The following GSK3A variants were observed in gnomAD, a reference collection of about 807,000 sequenced individuals.
GSK3A encodes glycogen synthase kinase 3 alpha.
Under a neutral mutation model 56.6 loss-of-function variants are expected in GSK3A, and 14 were observed. The ratio of observed to expected loss-of-function variants is 0.25; its 90% CI spans 0.16 to 0.39. The LOEUF (loss-of-function observed/expected upper bound fraction) is 0.39, where lower values mean the gene tolerates loss of function less well. Among genes scored for constraint, GSK3A ranks in the 10% least tolerant of loss-of-function variants. The pLI, the probability that GSK3A is intolerant of heterozygous loss-of-function variation, is 1.00. For synonymous variants in GSK3A, 301 were observed against 285.0 expected (o/e 1.06, Z -0.56); for missense variants, 450 against 656.0 (o/e 0.69, Z 3.43).
Position 42,235,099 on chromosome 19 carries a change from C to T in GSK3A, c.667-421G>A, listed in dbSNP as rs945252510. ...CCGAGATCGCACCACTGCACTCCAG[C>T]GTGGGTGACAGAGACCCTGTCTCAA... On this transcript the variant is annotated intron_variant, in intron 4 of 10. Transcript: ENST00000222330. Among the ~76,000 whole-genome samples, 12 of 151,854 alleles carry T rather than the reference C, an allele frequency of 7.9e-5. No homozygotes were observed. The East Asian group carries it at 1.9e-3, about 25-fold the overall frequency.
At position 42,240,011 on chromosome 19, in the gene GSK3A, C is replaced by T. The variant is rs758313664; in HGVS notation, c.415G>A (p.Ala139Thr). ...ATGGCGACTAGTTCCCTGGTCTCTG[C>T]CAGCCGTGCCTGGTACACGACCCCA... Reference protein sequence around the residue: ...SFGVVYQARLAETRELVAIKK... With the variant: ...SFGVVYQARLTETRELVAIKK... The change falls in exon 2 of 11, where the codon GCA becomes ACA. Residue 139 changes from alanine to threonine, a missense_variant. Ala to Thr is a moderately conservative substitution (Grantham distance 58). This residue lies in a region of GSK3A where 144 missense variants were observed against 308.0 expected (regional missense o/e 0.47). Transcript: ENST00000222330. The T allele has an allele frequency of 3.7e-6, 6 of 1,614,068 alleles. No individual in the cohort carries two copies. Among genetic ancestry groups the T allele is most frequent in the Admixed American group, 3.3e-5 (2 of 60,002 alleles).
rs11879488 is a variant in GSK3A at position 42,231,727 on chromosome 19, C to G, written c.1378+330G>C. 6.2e-3 allele frequency among the ~76,000 whole-genome samples: 919 copies of G among 149,046 alleles called. 11 individuals are homozygous for G. The highest frequency in any genetic ancestry group is 0.021 in the African/African-American group (856 of 40,310). On this transcript the variant is annotated intron_variant, in intron 10 of 10. Transcript: ENST00000222330. Reference sequence around the variant, plus strand: ...GGCGGAGATTGCAGTGAGCCGAGATCGAGCCACTGCACTGCAGCCTGGGTG... The same window carrying G: ...GGCGGAGATTGCAGTGAGCCGAGATGGAGCCACTGCACTGCAGCCTGGGTG...
Position 42,239,945 on chromosome 19 carries a change from C to A in GSK3A, c.471+10G>T, listed in dbSNP as rs1007165187. 6.2e-7 allele frequency: 1 copy of A among 1,613,198 alleles called. No homozygotes were observed. Among genetic ancestry groups the A allele is most frequent in the African/African-American group, 1.3e-5 (1 of 75,040 alleles). On this transcript the variant is annotated intron_variant, in intron 2 of 10. Transcript: ENST00000222330. ...CCCAAACCTCCCTGTCCCCATCCCG[C>A]CCAAGCTACCTTGAACCTCTTGTCC...
chr19:42,236,782 C>T, intron 3 of GSK3A, 66 bp from the exon 4 acceptor site: 1 of 1,483,486 alleles, frequency 6.7e-7, no homozygotes, highest in African/African-American at 1.4e-5. Context: ...GGAAGGTATG[C>T]AGGGAGCAGT....
chr19:42,241,601 C>T (rs2036292330), intron 1 of GSK3A: 1 of 152,084 alleles, frequency 6.6e-6, no homozygotes, highest in Admixed American at 6.6e-5. Flanking sequence ...CAGTACAGCT[C>T]AACAAGATTT....
rs1599808121 is a variant in GSK3A, at chr19:42,230,350, A to G, written c.*444T>C. 2 of 179,486 alleles carry G rather than the reference A, an allele frequency of 1.1e-5. No homozygotes were observed. The highest frequency in any genetic ancestry group is 2.3e-4 in the South Asian group (2 of 8,790). 11.1% of individuals were successfully genotyped at this position (179,486 alleles called of 1,614,324 possible). On this transcript the variant is annotated 3_prime_UTR_variant, in exon 11 of 11. Transcript: ENST00000222330. The stretch of plus-strand genomic sequence containing the variant: ...AGGACAGGAGGGGAGTTACAGCTGT[A>G]GGAGGGGCGGGGCCAGGTTGGACGG...
chr19:42,234,185 A>C lies in GSK3A; in HGVS notation c.904+168T>G, dbSNP rs1322434495. Among the ~76,000 whole-genome samples the C allele has an allele frequency of 6.6e-6, 1 of 152,186 alleles. No homozygotes were observed. Among genetic ancestry groups the C allele is most frequent in the Non-Finnish European group, 1.5e-5 (1 of 68,030 alleles). The stretch of plus-strand genomic sequence containing the variant: ...GCGGGCAGGCGGCCTCACAGCTCTA[A>C]GCTCATCTGTAAAATTAGCATTCAA... On this transcript the variant is annotated intron_variant, in intron 6 of 10. Transcript: ENST00000222330. The surrounding 1 kb of genome is among the most constrained non-coding windows in gnomAD (Gnocchi z 5.7).
chr19:42,233,958 A>G (rs2036241215), intron 6 of GSK3A, among the ~76,000 whole-genome samples: 1 of 152,182 alleles, frequency 6.6e-6, no homozygotes, highest in Non-Finnish European at 1.5e-5. Flanking sequence ...GTCCCCACAA[A>G]CAGGGAAGGA....
Position 42,242,268 on chromosome 19 carries a change from C to G in GSK3A, c.198G>C (p.Gly66=). ...CTCCGCCGCTGCCGCCGGGTCCACC[C>G]CCGGAGCTCGAGGCCCCGACGCCCC... ...MGGGVGASSS[G]GGPGGSGGGG... Residue 66 remains glycine (G), a synonymous_variant, in exon 1 of 11, where the codon GGG becomes GGC. Coordinates refer to ENST00000222330, the MANE Select transcript of GSK3A (RefSeq NM_019884.3). 7.0e-7 allele frequency: 1 copy of G among 1,438,402 alleles called. No individual in the cohort carries two copies. The highest frequency in any genetic ancestry group is 9.1e-7 in the Non-Finnish European group (1 of 1,101,946). 89.1% of individuals were successfully genotyped at this position (1,438,402 alleles called of 1,614,324 possible).
chr19:42,240,017 G>A lies in GSK3A; in HGVS notation c.409C>T (p.Arg137Trp). The change falls in exon 2 of 11, where the codon CGG (arginine) becomes TGG (tryptophan). Residue 137 changes from arginine (R) to tryptophan (W), a missense_variant. By Grantham distance (101) the Arg-to-Trp change is moderately radical (BLOSUM62 -3). Around this residue, in one of 3 missense-constraint regions of GSK3A, gnomAD observed 144 missense variants for 308.0 expected, o/e 0.47. Coordinates refer to ENST00000222330, the MANE Select transcript of GSK3A (RefSeq NM_019884.3). ...ACTAGTTCCCTGGTCTCTGCCAGCC[G>A]TGCCTGGTACACGACCCCAAATGAG... ...NGSFGVVYQA[R>W]LAETRELVAI... is the part of the protein sequence containing the mutation. 1.2e-6 allele frequency: 2 copies of A among 1,614,114 alleles called. No homozygotes were observed. The highest frequency in any genetic ancestry group is 1.7e-6 in the Non-Finnish European group (2 of 1,179,998).
At chr19:42,230,950 G>A in intron 10 of GSK3A, 83 bp from the exon 11 acceptor site, 1 of 876,162 alleles carries the variant, frequency 1.1e-6, no homozygotes, top group Non-Finnish European at 1.9e-6. Flanking sequence ...GAATTCTCTT[G>A]TCATAGATGC....
chr19:42,242,549 C>A lies in GSK3A; in HGVS notation c.-84G>T. The A allele has an allele frequency of 1.0e-6, 1 of 961,234 alleles. No homozygotes were observed. Among genetic ancestry groups the A allele is most frequent in the South Asian group, 4.0e-5 (1 of 24,838 alleles). The allele number at this position is 961,234 out of a possible 1,614,324, so 59.5% of individuals were successfully genotyped here. On this transcript the variant is annotated 5_prime_UTR_variant, in exon 1 of 11. Coordinates refer to ENST00000222330, the MANE Select transcript of GSK3A (RefSeq NM_019884.3). ...GCCGCTGCCGCCGCCTCCCCCGGGC[C>A]CTGGCCTCTTCCAGGCCGCGCCGCT... is the stretch of plus-strand genomic sequence containing the variant.
intron 1 of GSK3A, 23 bp downstream of exon 1, chr19:42,242,160 A>G (rs746424444): frequency 2.2e-6 from 3 of 1,356,210 alleles, no homozygotes; most frequent in Admixed American, 3.5e-5. Context: ...TCACCACCCT[A>G]CACGGGCGCC....
chr19:42,239,336 C>T (rs1047845884), intron 2 of GSK3A, among the ~76,000 whole-genome samples: 3 of 152,344 alleles, frequency 2.0e-5, no homozygotes, highest in East Asian at 1.9e-4. Context: ...AGTTCTCCTA[C>T]ATCCAGACTA....
At chr19:42,237,767 T>C (rs1012855546) in intron 2 of GSK3A, among the ~76,000 whole-genome samples, 23 of 151,546 alleles carry the variant, frequency 1.5e-4, no homozygotes, top group African/African-American at 5.3e-4. Context: ...TAGTCCCAGC[T>C]ACTCGGGAGG....
chr19:42,242,572 G>T lies in GSK3A; in HGVS notation c.-107C>A. Reference sequence around the variant, plus strand: ...GCCCTGGCCTCTTCCAGGCCGCGCCGCTCTGGCTTGGGCTCCGGCTCCGGC... The same window carrying T: ...GCCCTGGCCTCTTCCAGGCCGCGCCTCTCTGGCTTGGGCTCCGGCTCCGGC... On this transcript the variant is annotated 5_prime_UTR_variant, in exon 1 of 11. Coordinates refer to ENST00000222330, the MANE Select transcript of GSK3A (RefSeq NM_019884.3). The T allele has an allele frequency of 1.1e-6, 1 of 916,672 alleles. No individual in the cohort carries two copies. Among genetic ancestry groups the T allele is most frequent in the Non-Finnish European group, 1.4e-6 (1 of 729,028 alleles). The allele number at this position is 916,672 out of a possible 1,614,324, so 56.8% of individuals were successfully genotyped here. A position where few individuals can be genotyped will look rare whatever the true frequency, so the allele number is the denominator to read the frequency against.
In GSK3A at chr19:42,242,342, C is replaced by T. The variant is rs1256218535; in HGVS notation, c.124G>A (p.Gly42Ser). 2.1e-6 allele frequency: 3 copies of T among 1,423,006 alleles called. No homozygotes were observed. Among genetic ancestry groups the T allele is most frequent in the Admixed American group, 5.6e-5 (2 of 35,502 alleles). The allele number at this position is 1,423,006 out of a possible 1,614,324, so 88.1% of individuals were successfully genotyped here. ...TTTCCGCCGCCGGTGCCGCCTGGGCCGGAGGCCGAGCCTCCGGGGCCGCCG... is the reference window on the plus strand; with the variant it reads ...TTTCCGCCGCCGGTGCCGCCTGGGCTGGAGGCCGAGCCTCCGGGGCCGCCG... ...GGGGPGGSAS[G>S]PGGTGGGKAS... Residue 42 changes from glycine to serine, a missense_variant, in exon 1 of 11, where the codon GGC becomes AGC. By Grantham distance (56) the Gly-to-Ser change is moderately conservative (BLOSUM62 0). Coordinates refer to ENST00000222330, the MANE Select transcript of GSK3A (RefSeq NM_019884.3).
chr19:42,230,688 C>T lies in GSK3A; in HGVS notation c.*106G>A. On this transcript the variant is annotated 3_prime_UTR_variant, in exon 11 of 11. Transcript: ENST00000222330. ...ACAGGGACTCATTTACCTCTGCCCT[C>T]TAGTCTAGGGGCCCAGCCAGGGCAG... 1 of 813,158 alleles carries T rather than the reference C, an allele frequency of 1.2e-6. No homozygotes were observed. Among genetic ancestry groups the T allele is most frequent in the Non-Finnish European group, 2.1e-6 (1 of 476,232 alleles). 50.4% of individuals were successfully genotyped at this position (813,158 alleles called of 1,614,324 possible). A position where few individuals can be genotyped will look rare whatever the true frequency, so the allele number is the denominator to read the frequency against.
intron 2 of GSK3A, 60 bp downstream of exon 2, chr19:42,239,895 G>A (rs935944460): frequency 7.0e-6 from 10 of 1,418,742 alleles, no homozygotes; most frequent in Non-Finnish European, 8.9e-6. Context: ...TCTGGCTCAG[G>A]TTCTCCCACC....
Sources: allele counts gnomAD v4.1 joint callset (sites outside exome capture counted in the v4.1 genomes callset), GRCh38; gene constraint gnomAD v4.1.1; regional missense constraint gnomAD v4.1.1; non-coding constraint Gnocchi (gnomAD v3.1); transcripts MANE v1.5; gene names NCBI Gene and HGNC (gene_info 2026-07-23, HGNC 2026-07-21).